TTC39B: variants seen among roughly 807,000 people sequenced by gnomAD.
TTC39B encodes the protein tetratricopeptide repeat protein 39B.
A neutral mutation model predicts 96.6 loss-of-function variants in TTC39B; 92 were observed. The observed-to-expected ratio is 0.95, with a 90% CI of 0.80 to 1.13. The LOEUF (loss-of-function observed/expected upper bound fraction) is 1.13, where lower values mean the gene tolerates loss of function less well. TTC39B is among the 50% of genes most tolerant of loss of function. TTC39B has a pLI of 0.00. For missense variants in TTC39B, 955 were observed against 809.3 expected, an observed-to-expected ratio of 1.18 and a Z score of -2.18; for synonymous variants, 367 against 299.4, an observed-to-expected ratio of 1.23 and a Z score of -2.33.
At chr9:15,275,095 G>A (rs1253502143) in intron 1 of TTC39B, among the ~76,000 whole-genome samples, 1 of 151,624 alleles carries the variant, frequency 6.6e-6, no homozygotes, top group East Asian at 1.9e-4. Context: ...AGGCTGGAGT[G>A]CAATGGTGCG....
rs1311136854 is a variant in TTC39B at position 15,176,054 on chromosome 9, A to T, written c.1842-919T>A. On this transcript the variant is annotated intron_variant, in intron 18 of 19. Transcript: ENST00000512701. Reference sequence around the variant, plus strand: ...CTGCCCACATTGAATGTGCAATTCAAATTTACATTGTCTAAATGATCCAAG... The same window carrying T: ...CTGCCCACATTGAATGTGCAATTCATATTTACATTGTCTAAATGATCCAAG... Among the ~76,000 whole-genome samples, 3 of 152,182 alleles carry T rather than the reference A, an allele frequency of 2.0e-5. No homozygotes were observed. The East Asian group carries it at 5.8e-4, about 29-fold the overall frequency.
chr9:15,273,579 G>A (rs563924744), intron 1 of TTC39B, among the ~76,000 whole-genome samples: 5 of 152,150 alleles, frequency 3.3e-5, no homozygotes, highest in Middle Eastern at 3.4e-3. Context: ...ATTCTACCAC[G>A]CTCATTTAAC....
chr9:15,206,134 A>G (rs1036313082), intron 6 of TTC39B, among the ~76,000 whole-genome samples: 1 of 152,212 alleles, frequency 6.6e-6, no homozygotes, highest in African/African-American at 2.4e-5. Flanking sequence ...TGAACTTTGT[A>G]TTCTGCAAAT....
intron 1 of TTC39B, among the ~76,000 whole-genome samples, chr9:15,280,827 T>A (rs570712950): frequency 5.9e-5 from 9 of 152,298 alleles, no homozygotes; most frequent in South Asian, 2.1e-4. Context: ...AGAATGCGAA[T>A]GCTTGCAGTG....
exon 20 of TTC39B, chr9:15,167,401 A>G (rs1564300356): frequency 6.6e-6 from 1 of 151,828 alleles, no homozygotes; most frequent in Admixed American, 6.6e-5. Flanking sequence ...CAGTGTTGAA[A>G]CATTAATAAC....
chr9:15,250,736 A>T (rs540625350), intron 2 of TTC39B, among the ~76,000 whole-genome samples: 10 of 152,370 alleles, frequency 6.6e-5, no homozygotes, highest in Admixed American at 5.2e-4. Flanking sequence ...AAGATAGAAC[A>T]TAGTTCTAAA....
intron 1 of TTC39B, among the ~76,000 whole-genome samples, chr9:15,282,760 G>C (rs1587004308): frequency 6.6e-6 from 1 of 152,104 alleles, no homozygotes; most frequent in South Asian, 2.1e-4. Context: ...GGAGCACAGA[G>C]AGGTTAAGTA....
At chr9:15,294,122 G>A (rs1824287548) in intron 1 of TTC39B, among the ~76,000 whole-genome samples, 1 of 152,080 alleles carries the variant, frequency 6.6e-6, no homozygotes, top group Admixed American at 6.5e-5. Context: ...TACTTTAAAG[G>A]CAATGAGAAG....
At chr9:15,284,919 T>C (rs375450883) in intron 1 of TTC39B, among the ~76,000 whole-genome samples, 119 of 152,226 alleles carry the variant, frequency 7.8e-4, no homozygotes, top group African/African-American at 2.8e-3. Flanking sequence ...AGAGAAAAAT[T>C]CAAGCCAATT....
At chr9:15,284,776 G>A (rs577361073) in intron 1 of TTC39B, among the ~76,000 whole-genome samples, 3 of 152,190 alleles carry the variant, frequency 2.0e-5, no homozygotes, top group East Asian at 3.9e-4. Flanking sequence ...ATCATGTTTG[G>A]CTTCTGAAGG....
intron 4 of TTC39B, 87 bp from the exon 5 acceptor site, chr9:15,211,484 C>CATTT: frequency 8.4e-7 from 1 of 1,189,758 alleles, no homozygotes; most frequent in Non-Finnish European, 1.1e-6. Flanking sequence ...TCCTGACTTG[C>CATTT]ACAGTAACCT....
intron 2 of TTC39B, among the ~76,000 whole-genome samples, chr9:15,237,655 G>GA (rs35743064): frequency 9.8e-4 from 136 of 138,854 alleles, no homozygotes; most frequent in Middle Eastern, 3.8e-3. Flanking sequence ...AAATCTTCTG[G>GA]AAAAAAAAAA....
intron 2 of TTC39B, among the ~76,000 whole-genome samples, chr9:15,246,951 A>G (rs1369372818): frequency 1.3e-5 from 2 of 152,270 alleles, no homozygotes; most frequent in Non-Finnish European, 1.5e-5. Flanking sequence ...TTACACAGCT[A>G]TTGATATGCA....
chr9:15,284,195 G>T (rs571616414), intron 1 of TTC39B, among the ~76,000 whole-genome samples: 86 of 152,326 alleles, frequency 5.6e-4, no homozygotes, highest in Non-Finnish European at 9.4e-4. Context: ...AAATGTGCAC[G>T]TAAAAAGTCA....
chr9:15,214,261 G>C lies in TTC39B; in HGVS notation c.372-12C>G. On this transcript the variant is annotated splice_polypyrimidine_tract_variant and intron_variant, in intron 3 of 19. Coordinates refer to ENST00000512701, the Ensembl canonical transcript of TTC39B. ...TGGTTGATGATGAACTAAAGATCAA[G>C]AAAAAAGCACAGAGAATTTCTATAG... The C allele has an allele frequency of 6.2e-7, 1 of 1,600,916 alleles. No homozygotes were observed. The highest frequency in any genetic ancestry group is 8.6e-7 in the Non-Finnish European group (1 of 1,169,504).
At chr9:15,302,567 G>A (rs529177325) in intron 1 of TTC39B, among the ~76,000 whole-genome samples, 9 of 121,742 alleles carry the variant, frequency 7.4e-5, no homozygotes, top group South Asian at 2.9e-4. Flanking sequence ...AAAAAAAGCC[G>A]GTGCAGTGGC....
intron 1 of TTC39B, among the ~76,000 whole-genome samples, chr9:15,286,598 T>C (rs1227634207): frequency 2.6e-5 from 4 of 152,202 alleles, no homozygotes; most frequent in East Asian, 1.9e-4. Flanking sequence ...TCCGGTGAGA[T>C]AGTGTAAGAT....
intron 6 of TTC39B, among the ~76,000 whole-genome samples, chr9:15,206,319 A>G (rs1174979859): frequency 1.3e-5 from 2 of 152,238 alleles, no homozygotes; most frequent in African/African-American, 4.8e-5. Flanking sequence ...TCACTCCTGT[A>G]GACAACCAGA....
chr9:15,256,176 CCTT>C (rs1426932628), intron 2 of TTC39B, among the ~76,000 whole-genome samples: 3 of 151,856 alleles, frequency 2.0e-5, no homozygotes, highest in South Asian at 2.1e-4. Flanking sequence ...TGCCCTTTTT[CCTT>C]CTTCTTTTTT....
Sources: allele counts gnomAD v4.1 joint callset (sites outside exome capture counted in the v4.1 genomes callset), GRCh38; gene constraint gnomAD v4.1.1; transcripts MANE v1.5; gene names NCBI Gene and HGNC (gene_info 2026-07-23, HGNC 2026-07-21).